Variants in CCND3 observed in about 807,000 individuals in gnomAD.
CCND3 encodes the protein cyclin D3.
CCND3 carries 9 observed loss-of-function variants against 28.7 expected under a neutral mutation model. The ratio of observed to expected loss-of-function variants is 0.31; its 90% CI spans 0.19 to 0.55. CCND3 has a LOEUF of 0.55. Among genes scored for constraint, CCND3 ranks in the 20% least tolerant of loss-of-function variants. The pLI is 0.93. For synonymous variants in CCND3, 164 were observed against 163.9 expected, an observed-to-expected ratio of 1.00 and a Z score of 0.00; for missense variants, 315 against 385.8, an observed-to-expected ratio of 0.82 and a Z score of 1.54.
At chr6:42,005,756 T>A (rs960981194) in intron 1 of CCND3, among the ~76,000 whole-genome samples, 6 of 151,780 alleles carry the variant, frequency 4.0e-5, no homozygotes, top group African/African-American at 1.5e-4. Flanking sequence ...CAATCTCAGC[T>A]CACTGCAATG....
chr6:41,994,897 C>T (rs1426996783), intron 1 of CCND3, among the ~76,000 whole-genome samples: 2 of 151,934 alleles, frequency 1.3e-5, no homozygotes, highest in Admixed American at 6.6e-5. Flanking sequence ...CATGGTGAAA[C>T]CCCGTCTCTA....
At chr6:41,963,033 G>A (rs905959759) in intron 1 of CCND3, among the ~76,000 whole-genome samples, 1 of 151,946 alleles carries the variant, frequency 6.6e-6, no homozygotes, top group Non-Finnish European at 1.5e-5. Context: ...TTACAGGCAT[G>A]AGCCACCACG....
At chr6:42,013,706 C>A (rs1000052894) in intron 1 of CCND3, among the ~76,000 whole-genome samples, 1 of 152,148 alleles carries the variant, frequency 6.6e-6, no homozygotes, top group Non-Finnish European at 1.5e-5. Flanking sequence ...ATTAGTTCAG[C>A]CTATTGAGAT....
chr6:41,936,026 G>T lies in CCND3; in HGVS notation c.793C>A (p.Pro265Thr), dbSNP rs2127389534. 6.2e-7 allele frequency: 1 copy of T among 1,613,466 alleles called. No individual in the cohort carries two copies. ...GAGCCCCGGGGGGCTTTGGGCGCTG[G>T]GCTGGAGCTGGTCTGAGAGGCTTCC... is the stretch of plus-strand genomic sequence containing the variant. ...LREASQTSSSPAPKAPRGSSS... is the reference protein window; with the variant it reads ...LREASQTSSSTAPKAPRGSSS... Residue 265 changes from proline to threonine, a missense_variant, in exon 5 of 5, where the codon CCA becomes ACA. Coordinates refer to ENST00000372991, the MANE Select transcript of CCND3 (RefSeq NM_001760.5). The surrounding 1 kb of genome is among the most constrained non-coding windows in gnomAD (Gnocchi z 4.4).
chr6:41,951,649 G>A (rs1198202674), intron 1 of CCND3, among the ~76,000 whole-genome samples: 3 of 151,868 alleles, frequency 2.0e-5, no homozygotes, highest in Non-Finnish European at 4.4e-5. Context: ...TTTAGGTGGG[G>A]GGTCAGGAGT....
chr6:41,935,860 G>T lies in CCND3; in HGVS notation c.*80C>A, dbSNP rs1190696147. The T allele has an allele frequency of 2.3e-6, 3 of 1,314,980 alleles. No homozygotes were observed. The highest frequency in any genetic ancestry group is 2.0e-5 in the Admixed American group (1 of 50,824). 81.5% of individuals were successfully genotyped at this position (1,314,980 alleles called of 1,614,324 possible). ...AGACGCCCCTTCAGGCTTAGATGTGGTGTGGTTCCTGGAGGCAGGGAGGTG... is the reference window on the plus strand; with the variant it reads ...AGACGCCCCTTCAGGCTTAGATGTGTTGTGGTTCCTGGAGGCAGGGAGGTG... On this transcript the variant is annotated 3_prime_UTR_variant, in exon 5 of 5. Transcript: ENST00000372991.
chr6:42,002,116 A>AG (rs1243858538), intron 1 of CCND3, among the ~76,000 whole-genome samples: 33 of 150,388 alleles, frequency 2.2e-4, no homozygotes, highest in African/African-American at 8.1e-4. Flanking sequence ...ACTTTCTTTA[A>AG]AAAAAAAAAA....
intron 1 of CCND3, among the ~76,000 whole-genome samples, chr6:41,987,186 G>A (rs1264665911): frequency 6.6e-6 from 1 of 151,822 alleles, no homozygotes; most frequent in Non-Finnish European, 1.5e-5. Context: ...ATTACATTTC[G>A]CACTCATTCC....
chr6:42,002,162 T>C (rs1181894870), intron 1 of CCND3, among the ~76,000 whole-genome samples: 1 of 149,852 alleles, frequency 6.7e-6, no homozygotes, highest in Non-Finnish European at 1.5e-5. Context: ...TCTGTGTATT[T>C]TGGCCAGGCA....
intron 1 of CCND3, among the ~76,000 whole-genome samples, chr6:41,988,699 C>CTTTTTTT (rs758582662): frequency 7.2e-5 from 7 of 96,726 alleles, no homozygotes; most frequent in African/African-American, 1.0e-4. Flanking sequence ...AACTTCTTTT[C>CTTTTTTT]TTTTTTTTTT....
At chr6:42,020,255 CT>C (rs1446405975) in intron 1 of CCND3, among the ~76,000 whole-genome samples, 1 of 151,992 alleles carries the variant, frequency 6.6e-6, no homozygotes, top group African/African-American at 2.4e-5. Flanking sequence ...GCACTCCAGC[CT>C]GGGCGGCAGA....
rs182679350 is a variant in CCND3, at chr6:41,960,487, G to C, written c.-45-19902C>G. Among the ~76,000 whole-genome samples, 29 of 152,312 alleles carry C rather than the reference G, an allele frequency of 1.9e-4. No individual in the cohort carries two copies. In the East Asian group the frequency reaches 5.0e-3, roughly 26 times the overall value. The stretch of plus-strand genomic sequence containing the variant: ...CTCCAGGGAGGCCTCTAACACGAGT[G>C]ATTGAGAGCACGGGGGCTTTGAAGT... On this transcript the variant is annotated intron_variant, in intron 1 of 4. Transcript: ENST00000372988.
chr6:41,964,342 ATGTGTGTGAG>A (rs1761800142), intron 1 of CCND3, among the ~76,000 whole-genome samples: 1 of 124,502 alleles, frequency 8.0e-6, no homozygotes, highest in East Asian at 2.1e-4. Context: ...GTGTGTGTGA[ATGTGTGTGAG>A]TCTGTGTGTG....
At chr6:42,021,265 CA>C (rs1763705404) in intron 1 of CCND3, among the ~76,000 whole-genome samples, 1 of 152,202 alleles carries the variant, frequency 6.6e-6, no homozygotes, top group Non-Finnish European at 1.5e-5. Flanking sequence ...ACATAATATA[CA>C]GAGAGTCTGG....
chr6:41,979,349 C>A (rs1477585921), intron 1 of CCND3, among the ~76,000 whole-genome samples: 2 of 151,204 alleles, frequency 1.3e-5, no homozygotes, highest in Non-Finnish European at 2.9e-5. Flanking sequence ...CTGGCTAACA[C>A]GGTGAAACCC....
upstream of CCND3, among the ~76,000 whole-genome samples, chr6:41,942,873 T>A (rs1776074494): frequency 1.6e-4 from 5 of 30,392 alleles, no homozygotes; most frequent in Admixed American, 3.0e-4. Context: ...TTAATTATTC[T>A]TTTTTTTTTT....
chr6:42,017,877 G>A (rs369389308), intron 1 of CCND3, among the ~76,000 whole-genome samples: 7 of 152,158 alleles, frequency 4.6e-5, no homozygotes, highest in African/African-American at 1.7e-4. Context: ...GTGGCCGGGT[G>A]TGGTGGCTCA....
At chr6:41,968,198 A>T (rs1483054054) in intron 1 of CCND3, among the ~76,000 whole-genome samples, 1 of 152,170 alleles carries the variant, frequency 6.6e-6, no homozygotes, top group Non-Finnish European at 1.5e-5. Context: ...TGCACTGGAA[A>T]AAAATGCCCT....
intron 1 of CCND3, among the ~76,000 whole-genome samples, chr6:42,015,815 G>C (rs1004121815): frequency 6.6e-6 from 1 of 152,066 alleles, no homozygotes; most frequent in African/African-American, 2.4e-5. Flanking sequence ...TTGTGGAATG[G>C]CTAAATCAAG....
Sources: allele counts gnomAD v4.1 joint callset (sites outside exome capture counted in the v4.1 genomes callset), GRCh38; gene constraint gnomAD v4.1.1; non-coding constraint Gnocchi (gnomAD v3.1); transcripts MANE v1.5; gene names NCBI Gene and HGNC (gene_info 2026-07-23, HGNC 2026-07-21).